Variants in SDK1 observed in about 807,000 individuals in gnomAD.
SDK1 encodes the protein protein sidekick-1.
In SDK1, 157 loss-of-function variants were observed where a neutral mutation model predicts 245.5. The observed-to-expected ratio is 0.64, with a 90% CI of 0.56 to 0.73. SDK1 has a LOEUF of 0.73. Among genes scored for constraint, SDK1 ranks in the 30% least tolerant of loss-of-function variants. SDK1 has a pLI of 0.00. For synonymous variants in SDK1, 1,647 were observed against 1,278.5 expected (o/e 1.29, Z -6.15); for missense variants, 3,583 against 3,002.3 (o/e 1.19, Z -4.52).
At chr7:3,499,130 A>G (rs1357535281) in intron 1 of SDK1, among the ~76,000 whole-genome samples, 1 of 152,148 alleles carries the variant, frequency 6.6e-6, no homozygotes, top group Non-Finnish European at 1.5e-5. Context: ...TAGTTACTGG[A>G]ATTATTTGTT....
intron 4 of SDK1, among the ~76,000 whole-genome samples, chr7:3,768,558 C>G (rs1780321397): frequency 6.6e-6 from 1 of 152,188 alleles, no homozygotes; most frequent in Non-Finnish European, 1.5e-5. Context: ...CAGGCATGTG[C>G]TTTACATTTG....
intron 1 of SDK1, among the ~76,000 whole-genome samples, chr7:3,337,663 T>C (rs1480144412): frequency 6.6e-6 from 1 of 152,148 alleles, no homozygotes; most frequent in Non-Finnish European, 1.5e-5. Context: ...CAATGTGTAA[T>C]TTGTAGGGGA....
intron 4 of SDK1, among the ~76,000 whole-genome samples, chr7:3,816,924 G>A (rs879769199): frequency 1.3e-5 from 2 of 151,652 alleles, no homozygotes; most frequent in African/African-American, 4.8e-5. Context: ...TTCTGTTAAT[G>A]TACTTGAAGG....
chr7:4,018,852 G>A (rs563468595), intron 17 of SDK1, among the ~76,000 whole-genome samples: 1 of 152,196 alleles, frequency 6.6e-6, no homozygotes, highest in Non-Finnish European at 1.5e-5. Context: ...TGCAGGGAAT[G>A]TAGGAGGCGG....
chr7:4,063,531 C>T (rs977488059), intron 19 of SDK1, among the ~76,000 whole-genome samples: 2 of 151,406 alleles, frequency 1.3e-5, no homozygotes, highest in Non-Finnish European at 2.9e-5. Context: ...GACCATACTC[C>T]CCAAATGAAT....
chr7:3,596,184 C>G (rs903233116), intron 1 of SDK1, among the ~76,000 whole-genome samples: 1 of 152,096 alleles, frequency 6.6e-6, no homozygotes, highest in Non-Finnish European at 1.5e-5. Flanking sequence ...TTCAGTCTGT[C>G]GTTCCAGGGG....
intron 34 of SDK1, among the ~76,000 whole-genome samples, chr7:4,176,164 A>C (rs886143866): frequency 4.5e-5 from 6 of 134,406 alleles, no homozygotes; most frequent in Admixed American, 4.3e-4. Flanking sequence ...TCTTTTCTTT[A>C]CTTTTTTTTT....
At chr7:3,447,938 A>C (rs950746258) in intron 1 of SDK1, among the ~76,000 whole-genome samples, 1 of 152,006 alleles carries the variant, frequency 6.6e-6, no homozygotes, top group Non-Finnish European at 1.5e-5. Context: ...TCCCGAGCTC[A>C]GGTGATCCAC....
chr7:3,598,446 A>T (rs1781141098), intron 1 of SDK1, among the ~76,000 whole-genome samples: 4 of 152,202 alleles, frequency 2.6e-5, no homozygotes, highest in African/African-American at 9.6e-5. Flanking sequence ...TGTTAGAAGT[A>T]ATACACAGAG....
rs146235236 is a variant in SDK1 at position 4,117,449 on chromosome 7, C to T, written c.3823+3175C>T. On this transcript the variant is annotated intron_variant, in intron 25 of 44. Transcript: ENST00000404826. The stretch of plus-strand genomic sequence containing the variant: ...CACCACTGCATTCCAGCCTGGCCAA[C>T]GGAGCAGGTTATTATGCCTCTAAAA... 4.9e-4 allele frequency among the ~76,000 whole-genome samples: 74 copies of T among 152,274 alleles called. No homozygotes were observed. In the East Asian group the frequency reaches 0.011, roughly 23 times the overall value.
At chr7:3,685,346 A>G (rs892889877) in intron 4 of SDK1, among the ~76,000 whole-genome samples, 9 of 152,214 alleles carry the variant, frequency 5.9e-5, no homozygotes, top group African/African-American at 2.2e-4. Flanking sequence ...TGTGTACAGC[A>G]AATTTTGCAT....
chr7:3,373,016 G>A (rs1054488077), intron 1 of SDK1, among the ~76,000 whole-genome samples: 1 of 152,206 alleles, frequency 6.6e-6, no homozygotes, highest in East Asian at 1.9e-4. Context: ...GTAACATCAA[G>A]TAGAGTTTAT....
chr7:3,987,360 T>C (rs200574991), intron 14 of SDK1, 38 bp downstream of exon 14: 10 of 1,608,552 alleles, frequency 6.2e-6, no homozygotes, highest in Non-Finnish European at 8.5e-6. Context: ...TGGACGATAA[T>C]CAGATTTTTG....
rs150679684 is a variant in SDK1, at chr7:3,387,715, T to A, written c.298+85831T>A. Among the ~76,000 whole-genome samples the A allele has an allele frequency of 5.9e-3, 904 of 152,286 alleles. 16 individuals are homozygous for A. Among genetic ancestry groups the A allele is most frequent in the African/African-American group, 0.021 (873 of 41,550 alleles). Reference sequence around the variant, plus strand: ...TGAACTGTACATTTAATGTTTAAGGTGGTAATCTTTTGTTACCTGTCTATT... The same window carrying A: ...TGAACTGTACATTTAATGTTTAAGGAGGTAATCTTTTGTTACCTGTCTATT... On this transcript the variant is annotated intron_variant, in intron 1 of 44. Transcript: ENST00000404826.
At chr7:3,781,693 A>G (rs1217418420) in intron 4 of SDK1, among the ~76,000 whole-genome samples, 1 of 152,188 alleles carries the variant, frequency 6.6e-6, no homozygotes, top group Admixed American at 6.5e-5. Flanking sequence ...AACAGTACAC[A>G]AAGAAAGCAA....
chr7:3,993,928 A>T (rs1188729264), intron 14 of SDK1, among the ~76,000 whole-genome samples: 1 of 152,184 alleles, frequency 6.6e-6, no homozygotes, highest in African/African-American at 2.4e-5. Flanking sequence ...CTCTGCAAGC[A>T]ATGCTCTTGA....
chr7:3,344,825 A>G (rs1780451508), intron 1 of SDK1, among the ~76,000 whole-genome samples: 1 of 152,210 alleles, frequency 6.6e-6, no homozygotes. Flanking sequence ...GCAGTCCTAA[A>G]TTCAGAAAAT....
intron 14 of SDK1, among the ~76,000 whole-genome samples, chr7:4,006,479 G>T (rs150396089): frequency 6.6e-6 from 1 of 152,174 alleles, no homozygotes; most frequent in Non-Finnish European, 1.5e-5. Flanking sequence ...GGCTGGGGGC[G>T]GACCCTTTTA....
At chr7:3,878,713 C>A (rs1387673360) in intron 5 of SDK1, among the ~76,000 whole-genome samples, 1 of 152,066 alleles carries the variant, frequency 6.6e-6, no homozygotes, top group Non-Finnish European at 1.5e-5. Context: ...GGAAGAGTCT[C>A]CTCTGTTTCT....
Sources: allele counts gnomAD v4.1 joint callset (sites outside exome capture counted in the v4.1 genomes callset), GRCh38; gene constraint gnomAD v4.1.1; transcripts MANE v1.5; gene names NCBI Gene and HGNC (gene_info 2026-07-23, HGNC 2026-07-21).